Variants in NRG4 observed in about 807,000 individuals in gnomAD.
NRG4 encodes the protein neuregulin 4, also known as pro-neuregulin-4, membrane-bound isoform.
Under a neutral mutation model 15.0 loss-of-function variants are expected in NRG4, and 10 were observed. That is an observed-to-expected ratio of 0.67 (90% CI 0.41 to 1.13). NRG4 has a LOEUF of 1.13. NRG4 is among the 50% of genes most tolerant of loss of function. The pLI, the probability that NRG4 is intolerant of heterozygous loss-of-function variation, is 0.00. For missense variants in NRG4, 139 were observed against 140.2 expected, an observed-to-expected ratio of 0.99 and a Z score of 0.04; for synonymous variants, 41 against 50.1, an observed-to-expected ratio of 0.82 and a Z score of 0.77.
intron 4 of NRG4, among the ~76,000 whole-genome samples, chr15:75,960,571 G>T (rs2032466206): frequency 6.6e-6 from 1 of 152,166 alleles, no homozygotes; most frequent in Non-Finnish European, 1.5e-5. Flanking sequence ...CTGGCTGTTG[G>T]CTGGAAGTTC....
chr15:76,051,565 C>CTTTT (rs917470740), intron 4 of NRG4, among the ~76,000 whole-genome samples: 2 of 133,486 alleles, frequency 1.5e-5, no homozygotes, highest in African/African-American at 5.7e-5. Context: ...GAACAATCTT[C>CTTTT]TTTTTTTTTT....
downstream of NRG4, chr15:75,940,418 T>G (rs892285577): frequency 4.0e-5 from 6 of 151,616 alleles, no homozygotes; most frequent in Non-Finnish European, 7.4e-5. Flanking sequence ...CAAAGTGATG[T>G]GCAGATTCAC....
intron 4 of NRG4, among the ~76,000 whole-genome samples, chr15:76,036,614 G>A (rs775831056): frequency 3.3e-5 from 5 of 152,220 alleles, no homozygotes; most frequent in South Asian, 2.1e-4. Flanking sequence ...ACATGAGGGC[G>A]GAGTTAGAAG....
At position 75,943,647 on chromosome 15, in the gene NRG4, T is replaced by C. The variant is rs2031222576; in HGVS notation, c.339A>G (p.Glu113=). 1 of 1,577,236 alleles carries C rather than the reference T, an allele frequency of 6.3e-7. No individual in the cohort carries two copies. Among genetic ancestry groups the C allele is most frequent in the African/African-American group, 1.3e-5 (1 of 74,280 alleles). ...TSSTSAHHSH[E]QH is the part of the protein sequence containing the mutation. ...TCACTTTGACGTTTCTTCAGTGTTG[T>C]TCATGACCTGTGAAAAATAAGTAAG... The change falls in exon 6 of 6, where the codon GAA becomes GAG. Residue 113 remains glutamate (E), a synonymous_variant. Coordinates refer to ENST00000394907, the MANE Select transcript of NRG4 (RefSeq NM_138573.4).
chr15:75,985,811 A>G (rs1038567108), intron 3 of NRG4, among the ~76,000 whole-genome samples: 2 of 141,532 alleles, frequency 1.4e-5, no homozygotes, highest in African/African-American at 4.9e-5. Flanking sequence ...AAAATAAAAA[A>G]TAAAACTTAA....
intron 3 of NRG4, among the ~76,000 whole-genome samples, chr15:75,969,990 G>T (rs2033017533): frequency 6.6e-6 from 1 of 152,136 alleles, no homozygotes. Flanking sequence ...AGAGGACTTT[G>T]TTTTAATTAA....
At chr15:76,008,779 T>C (rs1270772661) in intron 3 of NRG4, among the ~76,000 whole-genome samples, 4 of 152,204 alleles carry the variant, frequency 2.6e-5, no homozygotes, top group African/African-American at 9.6e-5. Flanking sequence ...AGTGTAAGTT[T>C]TGGTGCCAAC....
chr15:76,059,731 G>GCCGCCAGCCC (rs1489699767), exon 1 of NRG4: 1 of 151,212 alleles, frequency 6.6e-6, no homozygotes, highest in Non-Finnish European at 1.5e-5. Context: ...CCCAGCTCAG[G>GCCGCCAGCCC]CCGCCAGCCC....
intron 3 of NRG4, among the ~76,000 whole-genome samples, chr15:75,965,966 A>C (rs186931661): frequency 9.8e-5 from 15 of 152,312 alleles, no homozygotes; most frequent in South Asian, 2.1e-4. Context: ...TGTGCCACCT[A>C]ATGAGGTGAA....
chr15:75,943,336 G>T lies in NRG4; in HGVS notation c.*302C>A. On this transcript the variant is annotated 3_prime_UTR_variant, in exon 6 of 6. Transcript: ENST00000394907. ...ATATATCCCTTAGGGTTTCTCTCTAGGTGTGTGAACATTTGCCTCTGGTTG... is the reference window on the plus strand; with the variant it reads ...ATATATCCCTTAGGGTTTCTCTCTATGTGTGTGAACATTTGCCTCTGGTTG... 1 of 369,726 alleles carries T rather than the reference G, an allele frequency of 2.7e-6. No individual in the cohort carries two copies. Among genetic ancestry groups the T allele is most frequent in the Non-Finnish European group, 4.9e-6 (1 of 206,176 alleles). 22.9% of individuals were successfully genotyped at this position (369,726 alleles called of 1,614,324 possible).
intron 3 of NRG4, among the ~76,000 whole-genome samples, chr15:76,000,340 G>T (rs1187819322): frequency 6.6e-6 from 1 of 152,090 alleles, no homozygotes; most frequent in Non-Finnish European, 1.5e-5. Context: ...ATCTATAATT[G>T]ATATTATAGA....
intron 3 of NRG4, among the ~76,000 whole-genome samples, chr15:75,967,456 ATTT>A (rs71140189): frequency 0.019 from 1,908 of 100,156 alleles, 44 homozygotes; most frequent in African/African-American, 0.064. Context: ...AAAATCTTAG[ATTT>A]TTTTTTTTTT....
In NRG4 at chr15:76,023,130, C is replaced by CCACACA. The variant is rs10572540; in HGVS notation, c.-56-11850_-56-11845dup. On this transcript the variant is annotated intron_variant, in intron 5 of 8. Transcript: ENST00000563910. ...ACTAGAGACACCTGGCACCCATACT[C>CCACACA]CACACACACACACACACACACACAC... Among the ~76,000 whole-genome samples, 1,011 of 120,146 alleles carry CCACACA rather than the reference C, an allele frequency of 8.4e-3. 16 individuals carry two copies. The highest frequency in any genetic ancestry group is 0.02 in the African/African-American group (653 of 33,332). 78.8% of individuals were successfully genotyped at this position (120,146 alleles called of 152,430 possible). A position where few individuals can be genotyped will look rare whatever the true frequency, so the allele number is the denominator to read the frequency against.
chr15:76,028,424 C>T (rs1951051894), intron 5 of NRG4, among the ~76,000 whole-genome samples: 1 of 151,878 alleles, frequency 6.6e-6, no homozygotes, highest in Admixed American at 6.6e-5. Flanking sequence ...TACAACCTAC[C>T]AAGATGGAAC....
intron 1 of NRG4, among the ~76,000 whole-genome samples, chr15:76,058,457 T>C (rs1252383015): frequency 6.6e-6 from 1 of 152,146 alleles, no homozygotes; most frequent in Non-Finnish European, 1.5e-5. Flanking sequence ...ACTCCCTGTA[T>C]AGATATTCCC....
At chr15:75,967,754 G>T (rs1164009763) in intron 3 of NRG4, among the ~76,000 whole-genome samples, 1 of 152,050 alleles carries the variant, frequency 6.6e-6, no homozygotes, top group Non-Finnish European at 1.5e-5. Flanking sequence ...GAGCCAACGT[G>T]CCTGGCCGCA....
intron 5 of NRG4, among the ~76,000 whole-genome samples, chr15:75,946,380 C>T (rs1282504617): frequency 6.6e-6 from 1 of 152,112 alleles, no homozygotes; most frequent in Admixed American, 6.5e-5. Flanking sequence ...TTTTTTGAGA[C>T]GAGGTCTCGC....
At chr15:76,027,496 A>T (rs1170861391) in intron 5 of NRG4, among the ~76,000 whole-genome samples, 1 of 126,782 alleles carries the variant, frequency 7.9e-6, no homozygotes, top group Non-Finnish European at 1.7e-5. Flanking sequence ...TATAACAGTC[A>T]AATATATATA....
intron 3 of NRG4, among the ~76,000 whole-genome samples, chr15:75,986,318 A>G (rs776658178): frequency 6.6e-6 from 1 of 152,196 alleles, no homozygotes; most frequent in Non-Finnish European, 1.5e-5. Context: ...CCTTTGACCC[A>G]GCCAAATTCT....
Sources: gnomAD v4.1 joint callset for allele counts (sites outside exome capture counted in the v4.1 genomes callset) on GRCh38, gnomAD v4.1.1 for gene constraint, MANE v1.5 for transcripts, NCBI Gene and HGNC (gene_info 2026-07-23, HGNC 2026-07-21) for gene names.